PCDHGA1: variants seen among roughly 807,000 people sequenced by gnomAD.
PCDHGA1 encodes protocadherin gamma-A1.
PCDHGA1 carries 32 observed loss-of-function variants against 58.0 expected under a neutral mutation model. The observed-to-expected ratio is 0.55, with a 90% CI of 0.42 to 0.74. The LOEUF (loss-of-function observed/expected upper bound fraction) is 0.74. Ranked by LOEUF, PCDHGA1 falls within the 30% of genes least tolerant of loss-of-function variation. The pLI is 0.00. For missense variants in PCDHGA1, 1,205 were observed against 1,182.3 expected (o/e 1.02, Z -0.28); for synonymous variants, 498 against 501.1 (o/e 0.99, Z 0.08).
intron 1 of PCDHGA1, among the ~76,000 whole-genome samples, chr5:141,439,537 C>T (rs1404605731): frequency 6.6e-6 from 1 of 152,206 alleles, no homozygotes; most frequent in African/African-American, 2.4e-5. Flanking sequence ...GAACGCTGTC[C>T]TCTCATTTCT....
chr5:141,367,755 C>A (rs564169622), intron 1 of PCDHGA1: 1 of 152,184 alleles, frequency 6.6e-6, no homozygotes, highest in South Asian at 2.1e-4. Context: ...TTACATACTG[C>A]TGCACTCAAT....
chr5:141,385,308 C>A, intron 1 of PCDHGA1: 1 of 1,612,216 alleles, frequency 6.2e-7, no homozygotes, highest in Non-Finnish European at 8.5e-7. Context: ...GTAAAGAAAA[C>A]CTGCCAAGTA....
chr5:141,495,010 G>A (rs1327870362), intron 2 of PCDHGA1, 145 bp downstream of exon 2: 6 of 1,516,970 alleles, frequency 4.0e-6, no homozygotes, highest in Non-Finnish European at 5.3e-6. Context: ...GTGTGCGGGG[G>A]GCTGGCACAC....
chr5:141,355,880 G>A, intron 1 of PCDHGA1: 1 of 1,613,290 alleles, frequency 6.2e-7, no homozygotes, highest in South Asian at 1.1e-5. Flanking sequence ...GGCACTGCCA[G>A]GATTCTCATA....
intron 1 of PCDHGA1, chr5:141,388,701 G>A: frequency 1.9e-6 from 3 of 1,613,986 alleles, no homozygotes; most frequent in South Asian, 1.1e-5. Context: ...GGATGAGGGT[G>A]TCAATGCCGA....
rs773522759 is a variant in PCDHGA1, at chr5:141,419,457, A to G, written c.2422-75350A>G. The G allele has an allele frequency of 7.4e-6, 12 of 1,612,610 alleles. No homozygotes were observed. The South Asian group carries it at 1.3e-4, about 18-fold the overall frequency. On this transcript the variant is annotated intron_variant, in intron 1 of 3. Transcript: ENST00000517417. ...CTGCGCACCTTCGAGCTCACGCTGC[A>G]GGCCCGCGACCAGGGCTCGCCCGCG...
chr5:141,427,149 A>G (rs1303323489), intron 1 of PCDHGA1: 1 of 456,850 alleles, frequency 2.2e-6, no homozygotes, highest in Non-Finnish European at 4.4e-6. Context: ...TATTGGAAAT[A>G]TGTTTGTGCT....
chr5:141,390,214 T>G, intron 1 of PCDHGA1: 1 of 1,614,064 alleles, frequency 6.2e-7, no homozygotes, highest in Non-Finnish European at 8.5e-7. Flanking sequence ...GGACAAGACA[T>G]ACTTTGCGGT....
intron 1 of PCDHGA1, among the ~76,000 whole-genome samples, chr5:141,380,002 C>A (rs1238165554): frequency 6.9e-6 from 1 of 143,940 alleles, no homozygotes; most frequent in Non-Finnish European, 1.5e-5. Flanking sequence ...TGGGTTCAAG[C>A]GATTCTCCTG....
At chr5:141,387,655 C>T (rs2091029456) in intron 1 of PCDHGA1, 1 of 644,664 alleles carries the variant, frequency 1.6e-6, no homozygotes, top group Admixed American at 3.3e-5. Context: ...AAGTGGAGAG[C>T]TTGGCGCTCC....
intron 1 of PCDHGA1, among the ~76,000 whole-genome samples, chr5:141,459,494 G>C (rs1454297107): frequency 2.0e-5 from 3 of 152,200 alleles, no homozygotes; most frequent in African/African-American, 7.2e-5. Context: ...CTGAATTAAA[G>C]TGATGTGAAC....
At chr5:141,352,275 G>T in intron 1 of PCDHGA1, 1 of 1,614,086 alleles carries the variant, frequency 6.2e-7, no homozygotes, top group Non-Finnish European at 8.5e-7. Context: ...CCAGACCTCA[G>T]CGACCGCCCT....
At chr5:141,404,568 G>A (rs2094540345) in intron 1 of PCDHGA1, 1 of 1,613,868 alleles carries the variant, frequency 6.2e-7, no homozygotes, top group Non-Finnish European at 8.5e-7. Flanking sequence ...GACAGTGGAA[G>A]CCCACCACTT....
intron 1 of PCDHGA1, chr5:141,428,863 T>C (rs1160939898): frequency 6.7e-6 from 1 of 149,182 alleles, no homozygotes; most frequent in African/African-American, 2.4e-5. Context: ...CGGGAGACTT[T>C]TTTTTTTTTT....
intron 1 of PCDHGA1, chr5:141,419,090 G>T: frequency 6.2e-7 from 1 of 1,613,922 alleles, no homozygotes; most frequent in Non-Finnish European, 8.5e-7. Flanking sequence ...TGAGGCCCTG[G>T]ATCGGGAGCA....
At chr5:141,390,230 A>T (rs2092091822) in intron 1 of PCDHGA1, 1 of 1,614,072 alleles carries the variant, frequency 6.2e-7, no homozygotes, top group Admixed American at 1.7e-5. Flanking sequence ...GCGGTGATTC[A>T]TCTGGGGCCT....
At chr5:141,365,555 G>A in intron 1 of PCDHGA1, 2 of 1,613,642 alleles carry the variant, frequency 1.2e-6, no homozygotes, top group South Asian at 1.1e-5. Context: ...AACAACTAGG[G>A]ACCTGGACAG....
chr5:141,461,639 C>T (rs1041604977), intron 1 of PCDHGA1, among the ~76,000 whole-genome samples: 12 of 152,088 alleles, frequency 7.9e-5, no homozygotes, highest in Non-Finnish European at 1.6e-4. Flanking sequence ...GCAATTTCTT[C>T]TTTGACCCAT....
At position 141,487,501 on chromosome 5, in the gene PCDHGA1, T is replaced by C. The variant is rs746285663; in HGVS notation, c.2422-7306T>C. 1.2e-6 allele frequency: 2 copies of C among 1,614,232 alleles called. No individual in the cohort carries two copies. The highest frequency in any genetic ancestry group is 3.3e-5 in the Admixed American group (2 of 60,028). ...ACTCTCATGGCTGTACACCCTTGGC[T>C]TCTGCACCCACTCGGAGTGATAGCT... On this transcript the variant is annotated intron_variant, in intron 1 of 3. Coordinates refer to ENST00000517417, the MANE Select transcript of PCDHGA1 (RefSeq NM_018912.3). The surrounding 1 kb of genome is among the most constrained non-coding windows in gnomAD (Gnocchi z 5.0).
Sources: gnomAD v4.1 joint callset for allele counts (sites outside exome capture counted in the v4.1 genomes callset) on GRCh38, gnomAD v4.1.1 for gene constraint, Gnocchi (gnomAD v3.1) non-coding constraint, MANE v1.5 for transcripts, NCBI Gene and HGNC (gene_info 2026-07-23, HGNC 2026-07-21) for gene names.